The following GAS2L1 variants were observed in gnomAD, a reference collection of about 807,000 sequenced individuals.
GAS2L1 encodes the protein GAS2-like protein 1.
A neutral mutation model predicts 44.0 loss-of-function variants in GAS2L1; 26 were observed. The ratio of observed to expected loss-of-function variants is 0.59; its 90% CI spans 0.43 to 0.82. The LOEUF is 0.82. Ranked by LOEUF, GAS2L1 falls within the 40% of genes least tolerant of loss-of-function variation. GAS2L1 has a pLI of 0.00. For synonymous variants in GAS2L1, 426 were observed against 415.9 expected (o/e 1.02, Z -0.30); for missense variants, 1,006 against 983.0 (o/e 1.02, Z -0.31).
chr22:29,310,202 A>G (rs1255181287), intron 1 of GAS2L1: 2 of 241,168 alleles, frequency 8.3e-6, no homozygotes, highest in East Asian at 8.3e-5. Flanking sequence ...AGATCGTGCT[A>G]TTGCACTCCA....
chr22:29,311,828 A>AAGGGGC (rs746388769), exon 5 of GAS2L1: 17 of 1,591,706 alleles, frequency 1.1e-5, no homozygotes, highest in Non-Finnish European at 1.4e-5. Flanking sequence ...CATGGGTGCC[A>AAGGGGC]AGGGGCAGGG....
chr22:29,311,315 C>T (rs1015975862), intron 4 of GAS2L1, 147 bp from the exon 6 acceptor site: 81 of 587,988 alleles, frequency 1.4e-4, no homozygotes, highest in Non-Finnish European at 2.2e-4. Flanking sequence ...GGAAGCTGCT[C>T]ACTTCTCCCT....
exon 5 of GAS2L1, chr22:29,312,257 C>G (rs778879150): frequency 6.2e-7 from 1 of 1,612,250 alleles, no homozygotes; most frequent in South Asian, 1.1e-5. Context: ...CCAGCTCCTC[C>G]GATGAAGGCA....
At chr22:29,311,132 G>A in intron 4 of GAS2L1, 134 bp downstream of exon 5, 1 of 846,464 alleles carries the variant, frequency 1.2e-6, no homozygotes. Flanking sequence ...GGGCGGGCCT[G>A]GCTTCCCATC....
chr22:29,310,273 A>AAT (rs2147899580), intron 1 of GAS2L1, 166 bp from the exon 3 acceptor site: 2 of 411,814 alleles, frequency 4.9e-6, no homozygotes, highest in African/African-American at 4.2e-5. Context: ...AAAAATAAAA[A>AAT]AAATAAAAGA....
At chr22:29,310,960 C>T (rs771139403) in exon 4 of GAS2L1, 5 of 1,613,602 alleles carry the variant, frequency 3.1e-6, no homozygotes, top group Non-Finnish European at 4.2e-6. Flanking sequence ...CTCCCGTTAG[C>T]TTACGAAGCA....
intron 4 of GAS2L1, chr22:29,311,242 G>A: frequency 1.7e-6 from 1 of 587,936 alleles, no homozygotes; most frequent in Non-Finnish European, 3.0e-6. Flanking sequence ...GTCCTGGGAA[G>A]GGGGGTGTCT....
chr22:29,308,432 G>A lies in GAS2L1; in HGVS notation c.327G>A (p.Trp109Ter). Residue 109 changes from tryptophan (W) to a stop codon, truncating the protein, a stop_gained, in exon 1 of 5, where the codon TGG becomes TGA. Coordinates refer to ENST00000618518, the Ensembl canonical transcript of GAS2L1. LOFTEE classifies it high-confidence loss of function. ...ACAACGTGGCCACCTTCATCGGCTG[G>A]TGCCGCGTGGAGCTGGGTGTGCCGG... 6.2e-7 allele frequency: 1 copy of A among 1,606,292 alleles called. No individual in the cohort carries two copies. The highest frequency in any genetic ancestry group is 1.1e-5 in the South Asian group (1 of 90,772).
At chr22:29,308,640 G>T (rs777070349) in exon 1 of GAS2L1, 2 of 1,576,228 alleles carry the variant, frequency 1.3e-6, no homozygotes, top group Non-Finnish European at 1.7e-6. Flanking sequence ...CAACGCCCCT[G>T]CCGCTGGGGA....
At chr22:29,308,121 G>T in exon 1 of GAS2L1, 1 of 1,553,164 alleles carries the variant, frequency 6.4e-7, no homozygotes. Context: ...AGACCCAGTG[G>T]CGGGCATCGC....
At chr22:29,312,529 C>T in exon 5 of GAS2L1, 1 of 1,446,018 alleles carries the variant, frequency 6.9e-7, no homozygotes, top group African/African-American at 1.4e-5. Flanking sequence ...AGACCCCATC[C>T]CTTCTCCTTT....
At chr22:29,311,830 G>C (rs969751634) in exon 5 of GAS2L1, 5 of 1,591,714 alleles carry the variant, frequency 3.1e-6, no homozygotes, top group African/African-American at 1.3e-5. Context: ...TGGGTGCCAA[G>C]GGGCAGGGGC....
Position 29,308,594 on chromosome 22 carries a change from G to A in GAS2L1, c.489G>A (p.Glu163=), listed in dbSNP as rs755932088. 4 of 1,599,070 alleles carry A rather than the reference G, an allele frequency of 2.5e-6. No homozygotes were observed. In the Admixed American group the frequency reaches 5.1e-5, roughly 20 times the overall value. The change falls in exon 1 of 5, where the codon GAG becomes GAA. Residue 163 remains glutamate (E), a synonymous_variant. Transcript: ENST00000618518. ...CACGCCTCGTGCAGTTTGAGCAGGA[G>A]ATTGAGCGGGAGCTGCGTGCTGCAC... is the stretch of plus-strand genomic sequence containing the variant.
At position 29,308,743 on chromosome 22, in the gene GAS2L1, G is replaced by A. The variant is rs769113573; in HGVS notation, c.633+5G>A. 2 of 1,485,564 alleles carry A rather than the reference G, an allele frequency of 1.3e-6. No homozygotes were observed. Among genetic ancestry groups the A allele is most frequent in the Non-Finnish European group, 1.8e-6 (2 of 1,123,818 alleles). The allele number at this position is 1,485,564 out of a possible 1,614,324, so 92.0% of individuals were successfully genotyped here. On this transcript the variant is annotated splice_donor_5th_base_variant and intron_variant, in intron 1 of 4. Transcript: ENST00000618518. ...CTGCGCAACCTCGACGAGCTGGTGA[G>A]TCCCCCAGCACCAGGTGCCAGGGAC...
At chr22:29,306,697 A>T (rs1245285131), upstream of GAS2L1, 1 of 152,320 alleles carries the variant, frequency 6.6e-6, no homozygotes, top group Non-Finnish European at 1.5e-5. Context: ...GCTGTGCGCC[A>T]GCCCGGGGAG....
intron 1 of GAS2L1, 26 bp downstream of exon 2, chr22:29,308,764 G>C (rs772878158): frequency 1.1e-5 from 16 of 1,471,636 alleles, no homozygotes; most frequent in East Asian, 7.1e-5. Flanking sequence ...CCAGGTGCCA[G>C]GGACCCGACA....
exon 5 of GAS2L1, chr22:29,312,257 C>T: frequency 6.2e-7 from 1 of 1,612,250 alleles, no homozygotes; most frequent in Non-Finnish European, 8.5e-7. Flanking sequence ...CCAGCTCCTC[C>T]GATGAAGGCA....
exon 1 of GAS2L1, chr22:29,308,376 A>G (rs777895012): frequency 6.2e-7 from 1 of 1,606,964 alleles, no homozygotes; most frequent in South Asian, 1.1e-5. Context: ...CCAGGCGCAC[A>G]GTGTAGTGCC....
exon 4 of GAS2L1, chr22:29,310,862 T>C (rs746116850): frequency 1.2e-6 from 2 of 1,612,770 alleles, no homozygotes; most frequent in Admixed American, 1.7e-5. Flanking sequence ...CTGCACCTTT[T>C]CTCCACAGAG....
Sources: gnomAD v4.1 joint callset for allele counts on GRCh38, gnomAD v4.1.1 for gene constraint, MANE v1.5 for transcripts, NCBI Gene and HGNC (gene_info 2026-07-23, HGNC 2026-07-21) for gene names.